Variants in SENP6 observed in about 807,000 individuals in gnomAD.
The protein encoded by SENP6 is sentrin-specific protease 6.
SENP6 carries 41 observed loss-of-function variants against 134.5 expected under a neutral mutation model. The ratio of observed to expected loss-of-function variants is 0.30; its 90% CI spans 0.24 to 0.40. The LOEUF is 0.40. SENP6 is among the 10% of genes least tolerant of loss of function. The probability of loss-of-function intolerance (pLI) is 1.00; values close to 1 mark genes in which losing one functional copy is unlikely to be tolerated. For missense variants in SENP6, 1,248 were observed against 1,312.5 expected, an observed-to-expected ratio of 0.95 and a Z score of 0.76; for synonymous variants, 395 against 429.8, an observed-to-expected ratio of 0.92 and a Z score of 1.00.
chr6:75,623,311 G>T (rs1424332331), intron 2 of SENP6, among the ~76,000 whole-genome samples: 1 of 152,032 alleles, frequency 6.6e-6, no homozygotes, highest in Admixed American at 6.5e-5. Flanking sequence ...TCAGCTTTTT[G>T]AACATGTATC....
chr6:75,627,446 A>G (rs1768781318), intron 3 of SENP6, among the ~76,000 whole-genome samples: 1 of 152,126 alleles, frequency 6.6e-6, no homozygotes, highest in Non-Finnish European at 1.5e-5. Flanking sequence ...AAAAGTAGAA[A>G]AAAAGGAGTG....
intron 10 of SENP6, 55 bp from the exon 11 acceptor site, chr6:75,670,498 G>C: frequency 6.0e-6 from 8 of 1,329,720 alleles, no homozygotes; most frequent in Non-Finnish European, 8.4e-6. Flanking sequence ...TTTATACTTA[G>C]CTTGCAGCCT....
intron 23 of SENP6, among the ~76,000 whole-genome samples, chr6:75,714,291 C>T (rs1775915211): frequency 1.3e-5 from 2 of 152,184 alleles, no homozygotes; most frequent in African/African-American, 4.8e-5. Context: ...TCAACCATTT[C>T]TTCCTCACTC....
chr6:75,642,396 A>C (rs1397632401), intron 6 of SENP6, among the ~76,000 whole-genome samples: 1 of 152,238 alleles, frequency 6.6e-6, no homozygotes, highest in African/African-American at 2.4e-5. Context: ...ACTCTTTACT[A>C]TGAAGCTAAC....
chr6:75,716,772 A>AT lies in SENP6; in HGVS notation c.*1184dup, dbSNP rs1776039691. 2 of 152,094 alleles carry AT rather than the reference A, an allele frequency of 1.3e-5. No individual in the cohort carries two copies. The highest frequency in any genetic ancestry group is 3.9e-4 in the East Asian group (2 of 5,190). 9.4% of individuals were successfully genotyped at this position (152,094 alleles called of 1,614,324 possible). A position where few individuals can be genotyped will look rare whatever the true frequency, so the allele number is the denominator to read the frequency against. On this transcript the variant is annotated 3_prime_UTR_variant, in exon 24 of 24. Coordinates refer to ENST00000447266, the MANE Select transcript of SENP6 (RefSeq NM_015571.4). ...TTGAGACTTGAAACATATTTTAGTC[A>AT]TTTTTTGTTAAATATTGAATTTTTA... is the stretch of plus-strand genomic sequence containing the variant.
chr6:75,643,075 A>G (rs1197800572), intron 6 of SENP6, among the ~76,000 whole-genome samples: 1 of 152,228 alleles, frequency 6.6e-6, no homozygotes, highest in Non-Finnish European at 1.5e-5. Context: ...TTGAGAGGGA[A>G]GGTAACTATA....
intron 1 of SENP6, chr6:75,611,506 C>CT (rs1370637430): frequency 1.3e-5 from 2 of 152,186 alleles, no homozygotes; most frequent in African/African-American, 4.8e-5. Context: ...CGTGTTTGCA[C>CT]TTTCAAAGTT....
At chr6:75,654,232 T>C (rs750473459) in intron 7 of SENP6, among the ~76,000 whole-genome samples, 48 of 152,298 alleles carry the variant, frequency 3.2e-4, no homozygotes, top group Middle Eastern at 6.8e-3. Context: ...AGTGAGACCC[T>C]ATCTCAAAAA....
At chr6:75,711,775 C>T (rs1401846936) in intron 21 of SENP6, among the ~76,000 whole-genome samples, 3 of 152,178 alleles carry the variant, frequency 2.0e-5, no homozygotes, top group East Asian at 3.9e-4. Context: ...CAGGTTCAAG[C>T]GATTCTCATG....
chr6:75,678,916 C>G lies in SENP6; in HGVS notation c.2064C>G (p.Asp688Glu). 6.9e-7 allele frequency: 1 copy of G among 1,443,514 alleles called. No individual in the cohort carries two copies. Among genetic ancestry groups the G allele is most frequent in the Non-Finnish European group, 9.7e-7 (1 of 1,033,144 alleles). 89.4% of individuals were successfully genotyped at this position (1,443,514 alleles called of 1,614,324 possible). The change falls in exon 16 of 24, where the codon GAC (aspartate) becomes GAG (glutamate). Residue 688 changes from aspartate to glutamate, a missense_variant. Physicochemically the swap from Asp to Glu is conservative, Grantham distance 45 (BLOSUM62 2). Coordinates refer to ENST00000447266, the MANE Select transcript of SENP6 (RefSeq NM_015571.4). The stretch of plus-strand genomic sequence containing the variant: ...AATTTTTAAATGATGTTATTATAGA[C>G]TTTTATTTGAAGTAAGTTAATTTTC... Reference protein sequence around the residue: ...EGEFLNDVIIDFYLKYLVLEK... With the variant: ...EGEFLNDVIIEFYLKYLVLEK...
At position 75,638,778 on chromosome 6, in the gene SENP6, C is replaced by T. The variant is rs188385507; in HGVS notation, c.459-1906C>T. Among the ~76,000 whole-genome samples, 258 of 151,108 alleles carry T rather than the reference C, an allele frequency of 1.7e-3. 1 individual carries two copies. The highest frequency in any genetic ancestry group is 3.0e-3 in the Admixed American group (45 of 15,096). ...GGTGAGTATAAAAAACAACAGAGGC[C>T]GGACATGGTTGACTTAGACCTGTAA... On this transcript the variant is annotated intron_variant, in intron 5 of 23. Transcript: ENST00000447266.
intron 12 of SENP6, 127 bp from the exon 13 acceptor site, chr6:75,675,733 T>C: frequency 1.1e-6 from 1 of 931,624 alleles, no homozygotes; most frequent in East Asian, 2.6e-5. Context: ...CCCACAAGAG[T>C]AATGATTTAT....
intron 18 of SENP6, 138 bp downstream of exon 18, chr6:75,697,655 C>G (rs1774748471): frequency 1.7e-6 from 1 of 599,574 alleles, no homozygotes; most frequent in Non-Finnish European, 2.9e-6. Context: ...TTTGTACTGC[C>G]TGTTTTACAA....
Position 75,659,354 on chromosome 6 carries a change from C to G in SENP6, c.643C>G (p.Gln215Glu), listed in dbSNP as rs1426422763. Residue 215 changes from glutamine to glutamate, a missense_variant, in exon 8 of 24, where the codon CAG becomes GAG. By Grantham distance (29) the Gln-to-Glu change is conservative (BLOSUM62 2). Transcript: ENST00000447266. ...ACAGAAACGACACTGTAGTACCTAT[C>G]AGCCTACTCCTCCTCTATCTCCTGC... is the stretch of plus-strand genomic sequence containing the variant. ...VQQKRHCSTY[Q>E]PTPPLSPASK... 2 of 1,610,922 alleles carry G rather than the reference C, an allele frequency of 1.2e-6. No individual in the cohort carries two copies. The highest frequency in any genetic ancestry group is 2.7e-5 in the African/African-American group (2 of 74,856).
At chr6:75,630,231 G>A (rs1016342942) in intron 3 of SENP6, among the ~76,000 whole-genome samples, 19 of 151,858 alleles carry the variant, frequency 1.3e-4, no homozygotes, top group African/African-American at 2.4e-4. Flanking sequence ...CACCACACCC[G>A]GCAAATTTTT....
chr6:75,617,022 C>T (rs552631595), intron 1 of SENP6, among the ~76,000 whole-genome samples: 181 of 151,814 alleles, frequency 1.2e-3, no homozygotes, highest in Non-Finnish European at 2.4e-3. Flanking sequence ...ACTACAGGCA[C>T]GCACCACCAT....
Position 75,641,814 on chromosome 6 carries a change from C to CA in SENP6, c.479+1117dup, listed in dbSNP as rs1226165446. On this transcript the variant is annotated intron_variant, in intron 6 of 23. Coordinates refer to ENST00000447266, the MANE Select transcript of SENP6 (RefSeq NM_015571.4). Reference sequence around the variant, plus strand: ...GCAACATAGGAAGGCCCTGTCTCTACAAAAAAATAAAATAATTGGCCTGGA... The same window carrying CA: ...GCAACATAGGAAGGCCCTGTCTCTACAAAAAAAATAAAATAATTGGCCTGGA... Among the ~76,000 whole-genome samples the CA allele has an allele frequency of 4.0e-5, 6 of 149,840 alleles. No individual in the cohort carries two copies. The East Asian group carries it at 1.0e-3, about 25-fold the overall frequency.
At chr6:75,687,786 C>T (rs1212700038) in intron 16 of SENP6, among the ~76,000 whole-genome samples, 4 of 152,182 alleles carry the variant, frequency 2.6e-5, no homozygotes, top group African/African-American at 9.6e-5. Context: ...CCCAGAGGGG[C>T]AGCTGCCTAT....
In SENP6 at chr6:75,602,631, G is replaced by GCCCCCAGAA; in HGVS notation, c.52+60_52+68dup. 2.0e-6 allele frequency: 3 copies of GCCCCCAGAA among 1,527,246 alleles called. No individual in the cohort carries two copies. In the South Asian group the frequency reaches 3.6e-5, roughly 18 times the overall value. 94.6% of individuals were successfully genotyped at this position (1,527,246 alleles called of 1,614,324 possible). A position where few individuals can be genotyped will look rare whatever the true frequency, so the allele number is the denominator to read the frequency against. On this transcript the variant is annotated intron_variant, in intron 1 of 23. Transcript: ENST00000447266. ...AAGGGAGGGTATACTGGAAAACGTG[G>GCCCCCAGAA]CCCCCAGAACCCCGGATATTCAGTT...
Sources: allele counts gnomAD v4.1 joint callset (sites outside exome capture counted in the v4.1 genomes callset), GRCh38; gene constraint gnomAD v4.1.1; transcripts MANE v1.5; gene names NCBI Gene and HGNC (gene_info 2026-07-23, HGNC 2026-07-21).